Variants in CDH18 observed in about 807,000 individuals in gnomAD.
CDH18 encodes the protein cadherin-18.
In CDH18, 31 loss-of-function variants were observed where a neutral mutation model predicts 67.9. The observed-to-expected ratio is 0.46, with a 90% CI of 0.34 to 0.62. The LOEUF (loss-of-function observed/expected upper bound fraction) is 0.62, where lower values mean the gene tolerates loss of function less well. CDH18 is among the 20% of genes least tolerant of loss of function. The pLI is 0.01. For synonymous variants in CDH18, 362 were observed against 347.2 expected, an observed-to-expected ratio of 1.04 and a Z score of -0.48; for missense variants, 890 against 975.5, an observed-to-expected ratio of 0.91 and a Z score of 1.17.
chr5:19,865,850 C>G (rs1265546948), intron 2 of CDH18, among the ~76,000 whole-genome samples: 1 of 152,126 alleles, frequency 6.6e-6, no homozygotes, highest in Admixed American at 6.6e-5. Context: ...TCCCCAGGTT[C>G]TAACTAGGGA....
intron 2 of CDH18, among the ~76,000 whole-genome samples, chr5:20,162,217 C>CATTTATCACT (rs1735945101): frequency 6.6e-6 from 1 of 151,966 alleles, no homozygotes; most frequent in Non-Finnish European, 1.5e-5. Flanking sequence ...ATTTATCACT[C>CATTTATCACT]TGCTTACTTG....
At chr5:19,754,599 A>G (rs1483789349) in intron 3 of CDH18, among the ~76,000 whole-genome samples, 1 of 152,184 alleles carries the variant, frequency 6.6e-6, no homozygotes, top group Admixed American at 6.5e-5. Context: ...AGCACTAGAC[A>G]GGTCATCAAG....
intron 3 of CDH18, among the ~76,000 whole-genome samples, chr5:19,791,022 G>T (rs1776296456): frequency 6.6e-6 from 1 of 152,058 alleles, no homozygotes; most frequent in African/African-American, 2.4e-5. Context: ...GGGGAAACCA[G>T]ATATGAGTCA....
intron 2 of CDH18, among the ~76,000 whole-genome samples, chr5:19,976,954 A>G (rs953418050): frequency 6.6e-6 from 1 of 152,184 alleles, no homozygotes; most frequent in South Asian, 2.1e-4. Context: ...AAAGCTGAAT[A>G]AAATTAATGT....
intron 2 of CDH18, among the ~76,000 whole-genome samples, chr5:20,130,554 C>T (rs1749187917): frequency 6.6e-6 from 1 of 151,888 alleles, no homozygotes. Flanking sequence ...TATCTGGCTA[C>T]CATGGCCTAG....
chr5:20,448,206 A>G (rs1750157266), intron 1 of CDH18, among the ~76,000 whole-genome samples: 1 of 151,688 alleles, frequency 6.6e-6, no homozygotes, highest in East Asian at 1.9e-4. Context: ...ACCTTCATCC[A>G]TGTCCCTACA....
chr5:20,544,223 A>G (rs1187130084), intron 1 of CDH18, among the ~76,000 whole-genome samples: 5 of 152,182 alleles, frequency 3.3e-5, no homozygotes, highest in Admixed American at 1.3e-4. Context: ...AGAAATATTC[A>G]CAAGCATACC....
chr5:19,647,337 A>T (rs187750970), intron 5 of CDH18, among the ~76,000 whole-genome samples: 509 of 149,640 alleles, frequency 3.4e-3, no homozygotes, highest in South Asian at 6.1e-3. Flanking sequence ...CCTGGCCAAC[A>T]TGATGAAACC....
At chr5:20,194,909 T>C (rs144210212) in intron 2 of CDH18, among the ~76,000 whole-genome samples, 1 of 152,092 alleles carries the variant, frequency 6.6e-6, no homozygotes, top group South Asian at 2.1e-4. Context: ...AGGTTTGTTA[T>C]CCCTAGTTAA....
At chr5:19,551,606 T>A (rs1468263143) in intron 8 of CDH18, among the ~76,000 whole-genome samples, 1 of 152,132 alleles carries the variant, frequency 6.6e-6, no homozygotes, top group African/African-American at 2.4e-5. Context: ...TGATAGGCCT[T>A]CATAGAAAAC....
At chr5:20,499,996 C>A (rs748215942) in intron 1 of CDH18, among the ~76,000 whole-genome samples, 3 of 152,172 alleles carry the variant, frequency 2.0e-5, no homozygotes, top group Non-Finnish European at 4.4e-5. Context: ...TGATGCCATG[C>A]AGGTTTTTAA....
chr5:19,560,414 G>C (rs1020370863), intron 8 of CDH18, among the ~76,000 whole-genome samples: 3 of 152,042 alleles, frequency 2.0e-5, no homozygotes, highest in Admixed American at 6.6e-5. Context: ...GTGGGAAAAA[G>C]ATACCCAGTT....
intron 9 of CDH18, among the ~76,000 whole-genome samples, chr5:19,535,604 T>G (rs1749291735): frequency 6.6e-6 from 1 of 152,138 alleles, no homozygotes. Context: ...TGGATTACAT[T>G]TGAAATTTGT....
At chr5:20,209,032 T>C (rs1740139418) in intron 2 of CDH18, among the ~76,000 whole-genome samples, 1 of 151,934 alleles carries the variant, frequency 6.6e-6, no homozygotes, top group African/African-American at 2.4e-5. Context: ...GAAATGCAAA[T>C]CAAAATCACA....
At chr5:19,604,260 T>C (rs1747657038) in intron 6 of CDH18, among the ~76,000 whole-genome samples, 1 of 152,072 alleles carries the variant, frequency 6.6e-6, no homozygotes, top group Non-Finnish European at 1.5e-5. Flanking sequence ...TCATTCCCTA[T>C]GATTACCCCA....
intron 1 of CDH18, among the ~76,000 whole-genome samples, chr5:20,467,819 G>A (rs941177082): frequency 6.6e-6 from 1 of 152,008 alleles, no homozygotes. Context: ...GAAATAGTAG[G>A]CATTTGCAGA....
chr5:20,548,588 T>G (rs967505975), intron 1 of CDH18, among the ~76,000 whole-genome samples: 1 of 152,182 alleles, frequency 6.6e-6, no homozygotes, highest in Non-Finnish European at 1.5e-5. Context: ...GAAGTTGTTC[T>G]TTCCACATTT....
At chr5:20,288,793 TTGAAA>T (rs1332887639) in intron 1 of CDH18, among the ~76,000 whole-genome samples, 1 of 151,834 alleles carries the variant, frequency 6.6e-6, no homozygotes, top group African/African-American at 2.4e-5. Flanking sequence ...CCCTTTACAC[TTGAAA>T]TGAAATAGTA....
chr5:19,484,666 C>A (rs915097560), intron 11 of CDH18, among the ~76,000 whole-genome samples: 1 of 152,202 alleles, frequency 6.6e-6, no homozygotes, highest in African/African-American at 2.4e-5. Flanking sequence ...CCCCTTCCTG[C>A]ACTACTGACA....
Sources: gnomAD v4.1 joint callset for allele counts (sites outside exome capture counted in the v4.1 genomes callset) on GRCh38, gnomAD v4.1.1 for gene constraint, MANE v1.5 for transcripts, NCBI Gene and HGNC (gene_info 2026-07-23, HGNC 2026-07-21) for gene names.